Variants in ERC2 observed in about 807,000 individuals in gnomAD.
ERC2 encodes ELKS/RAB6-interacting/CAST family member 2.
In ERC2, 42 loss-of-function variants were observed where a neutral mutation model predicts 114.8. That is an observed-to-expected ratio of 0.37 (90% CI 0.29 to 0.47). ERC2 has a LOEUF of 0.47. ERC2 is among the 20% of genes least tolerant of loss of function. ERC2 has a pLI of 0.99. For missense variants in ERC2, 939 were observed against 1,150.7 expected (o/e 0.82, Z 2.66); for synonymous variants, 454 against 425.5 (o/e 1.07, Z -0.82).
At chr3:55,990,419 G>C (rs980217926) in intron 11 of ERC2, among the ~76,000 whole-genome samples, 1 of 152,086 alleles carries the variant, frequency 6.6e-6, no homozygotes, top group Non-Finnish European at 1.5e-5. Flanking sequence ...GTTTAATACA[G>C]AGACAAAGTT....
intron 3 of ERC2, among the ~76,000 whole-genome samples, chr3:56,270,465 G>T (rs2053586799): frequency 1.3e-5 from 2 of 152,192 alleles, no homozygotes. Flanking sequence ...TTAGGGTGGG[G>T]CCATGTGAGG....
At chr3:56,140,827 C>G (rs778799874) in intron 5 of ERC2, among the ~76,000 whole-genome samples, 1 of 152,022 alleles carries the variant, frequency 6.6e-6, no homozygotes, top group African/African-American at 2.4e-5. Flanking sequence ...AGTTCGAGAC[C>G]AGCCTGGCCA....
At chr3:56,070,936 A>G (rs9818750) in intron 7 of ERC2, among the ~76,000 whole-genome samples, 51,124 of 151,834 alleles carry the variant, frequency 0.34, 9,679 homozygotes, top group East Asian at 0.55. Context: ...TCATCTCTCA[A>G]TTTAGCCATT....
intron 7 of ERC2, among the ~76,000 whole-genome samples, chr3:56,036,072 T>C (rs1223719008): frequency 6.6e-6 from 1 of 152,168 alleles, no homozygotes; most frequent in Non-Finnish European, 1.5e-5. Context: ...AAATCAATAA[T>C]GGGCTATGCC....
intron 2 of ERC2, among the ~76,000 whole-genome samples, chr3:56,317,372 G>A (rs2150411714): frequency 6.6e-6 from 1 of 152,234 alleles, no homozygotes; most frequent in Admixed American, 6.5e-5. Context: ...AAGAGTAGAA[G>A]GAGGCAGCTA....
intron 4 of ERC2, among the ~76,000 whole-genome samples, chr3:56,151,205 T>C (rs565492470): frequency 3.1e-4 from 47 of 152,162 alleles, no homozygotes; most frequent in African/African-American, 1.1e-3. Flanking sequence ...TAGCTGGGAT[T>C]ACCAGCCTGC....
At chr3:55,810,831 T>C (rs2059694008) in intron 14 of ERC2, among the ~76,000 whole-genome samples, 1 of 151,204 alleles carries the variant, frequency 6.6e-6, no homozygotes, top group African/African-American at 2.5e-5. Context: ...GTTGAACAAA[T>C]AAGAGATGTC....
chr3:56,449,892 C>T (rs1405959590), intron 1 of ERC2, among the ~76,000 whole-genome samples: 2 of 152,234 alleles, frequency 1.3e-5, no homozygotes, highest in Non-Finnish European at 2.9e-5. Context: ...TCTCCCAGTT[C>T]ACTAAACTTA....
chr3:56,341,609 A>G (rs2058092565), intron 2 of ERC2, among the ~76,000 whole-genome samples: 1 of 152,122 alleles, frequency 6.6e-6, no homozygotes, highest in African/African-American at 2.4e-5. Flanking sequence ...AACTAAAAGA[A>G]AAGAACCAGA....
At chr3:56,064,526 T>G (rs1213860755) in intron 7 of ERC2, among the ~76,000 whole-genome samples, 3 of 152,246 alleles carry the variant, frequency 2.0e-5, no homozygotes, top group African/African-American at 7.2e-5. Flanking sequence ...TTAGCTTTGC[T>G]TCATTCAGAC....
intron 8 of ERC2, among the ~76,000 whole-genome samples, chr3:56,015,942 AT>A (rs1378672402): frequency 6.6e-6 from 1 of 152,084 alleles, no homozygotes; most frequent in African/African-American, 2.4e-5. Flanking sequence ...TTTGATTTGC[AT>A]TTCTCTAATG....
intron 17 of ERC2, among the ~76,000 whole-genome samples, chr3:55,650,992 C>T (rs2060597049): frequency 6.7e-6 from 1 of 150,358 alleles, no homozygotes; most frequent in Non-Finnish European, 1.5e-5. Flanking sequence ...GGATTACAGG[C>T]ATCCGCCATC....
chr3:56,334,770 T>A (rs1164834405), intron 2 of ERC2, among the ~76,000 whole-genome samples: 1 of 152,132 alleles, frequency 6.6e-6, no homozygotes, highest in African/African-American at 2.4e-5. Context: ...GAGGCAAAGC[T>A]TATAGGATTT....
At chr3:55,821,596 A>G (rs1355519186) in intron 14 of ERC2, among the ~76,000 whole-genome samples, 1 of 152,248 alleles carries the variant, frequency 6.6e-6, no homozygotes, top group Non-Finnish European at 1.5e-5. Context: ...GAACACCAGG[A>G]CCAAAAGAAA....
chr3:56,400,722 T>A (rs1209632481), intron 2 of ERC2, among the ~76,000 whole-genome samples: 1 of 152,198 alleles, frequency 6.6e-6, no homozygotes, highest in African/African-American at 2.4e-5. Flanking sequence ...AAAACTCTAA[T>A]GAATGACTTT....
chr3:56,010,649 T>C (rs1441006921), intron 8 of ERC2, 60 bp from the exon 9 acceptor site: 9 of 1,535,104 alleles, frequency 5.9e-6, no homozygotes, highest in Non-Finnish European at 7.0e-6. Context: ...TGCCAAAGCA[T>C]ACTGTAAAAG....
intron 14 of ERC2, among the ~76,000 whole-genome samples, chr3:55,821,680 A>G (rs773214254): frequency 6.6e-6 from 1 of 152,258 alleles, no homozygotes; most frequent in African/African-American, 2.4e-5. Flanking sequence ...AATGTCTCAC[A>G]GGGACCACCA....
At chr3:55,960,831 C>T (rs112830968) in intron 12 of ERC2, among the ~76,000 whole-genome samples, 303 of 151,846 alleles carry the variant, frequency 2.0e-3, no homozygotes, top group African/African-American at 7.1e-3. Flanking sequence ...ATCTCCACTG[C>T]CTGTAAAACC....
chr3:56,227,278 C>G (rs1452209), intron 3 of ERC2, among the ~76,000 whole-genome samples: 89,866 of 151,886 alleles, frequency 0.59, 27,185 homozygotes, highest in East Asian at 0.85. Context: ...AATGAATTCA[C>G]TATAATGTGG....
Sources: allele counts gnomAD v4.1 joint callset (sites outside exome capture counted in the v4.1 genomes callset), GRCh38; gene constraint gnomAD v4.1.1; transcripts MANE v1.5; gene names NCBI Gene and HGNC (gene_info 2026-07-23, HGNC 2026-07-21).